The following OCA2 variants were observed in gnomAD, a reference collection of about 807,000 sequenced individuals.
The protein encoded by OCA2 is P protein.
A neutral mutation model predicts 100.2 loss-of-function variants in OCA2; 77 were observed. The observed-to-expected ratio is 0.77, with a 90% CI of 0.64 to 0.93. The LOEUF (loss-of-function observed/expected upper bound fraction) is 0.93, where lower values mean the gene tolerates loss of function less well. OCA2 is among the 40% of genes least tolerant of loss of function. The pLI is 0.00. For synonymous variants in OCA2, 432 were observed against 439.2 expected (o/e 0.98, Z 0.21); for missense variants, 1,062 against 1,089.1 (o/e 0.98, Z 0.35).
At chr15:27,868,925 G>A (rs1338878380) in intron 21 of OCA2, among the ~76,000 whole-genome samples, 1 of 152,222 alleles carries the variant, frequency 6.6e-6, no homozygotes, top group African/African-American at 2.4e-5. Flanking sequence ...AAGGAAAAGA[G>A]GGGAGAAGGG....
chr15:27,994,679 C>T (rs2041666373), intron 9 of OCA2, among the ~76,000 whole-genome samples: 1 of 152,200 alleles, frequency 6.6e-6, no homozygotes, highest in Non-Finnish European at 1.5e-5. Context: ...GCAAGCAATA[C>T]ATGCTGAGCA....
At chr15:27,931,817 C>T (rs751547453) in intron 18 of OCA2, among the ~76,000 whole-genome samples, 4 of 152,220 alleles carry the variant, frequency 2.6e-5, no homozygotes, top group Non-Finnish European at 4.4e-5. Context: ...TTGTCTCCTA[C>T]GGTTCCTCCT....
chr15:27,904,871 C>T (rs1434586736), intron 19 of OCA2, among the ~76,000 whole-genome samples: 4 of 152,128 alleles, frequency 2.6e-5, no homozygotes, highest in Non-Finnish European at 4.4e-5. Context: ...TTTTAGAAAT[C>T]GGCAACACGG....
chr15:27,946,755 CTA>C (rs2039852667), intron 18 of OCA2, among the ~76,000 whole-genome samples: 1 of 152,240 alleles, frequency 6.6e-6, no homozygotes, highest in Non-Finnish European at 1.5e-5. Context: ...GCCAAAGACA[CTA>C]GAATCTTTCC....
chr15:28,034,191 CTG>C (rs2042985634), intron 2 of OCA2, among the ~76,000 whole-genome samples: 1 of 152,036 alleles, frequency 6.6e-6, no homozygotes, highest in Non-Finnish European at 1.5e-5. Context: ...ACTTGGAAGA[CTG>C]AGGTGGGAGA....
intron 9 of OCA2, among the ~76,000 whole-genome samples, chr15:27,996,568 T>G (rs868788699): frequency 6.8e-6 from 1 of 147,532 alleles, no homozygotes; most frequent in South Asian, 2.1e-4. Flanking sequence ...TAAACAAAAT[T>G]GATGGAACTT....
chr15:27,992,602 G>T (rs1169095863), intron 9 of OCA2, among the ~76,000 whole-genome samples: 1 of 152,166 alleles, frequency 6.6e-6, no homozygotes, highest in Non-Finnish European at 1.5e-5. Flanking sequence ...TCCCACTTTG[G>T]TATGTCTCTT....
At position 28,076,853 on chromosome 15, in the gene OCA2, CAAAAAAAAAAA is replaced by C. The variant is rs575299612; in HGVS notation, c.227+4784_227+4794del. Among the ~76,000 whole-genome samples the C allele has an allele frequency of 6.6e-5, 4 of 60,750 alleles. No individual in the cohort carries two copies. The Admixed American group carries it at 6.8e-4, about 10-fold the overall frequency. 39.9% of individuals were successfully genotyped at this position (60,750 alleles called of 152,430 possible). ...TGGGCGACAGAGCGAGACTCCGTCT[CAAAAAAAAAAA>C]AAAAAAAAAAATAGATAATTTAAGT... On this transcript the variant is annotated intron_variant, in intron 2 of 23. Transcript: ENST00000354638.
chr15:28,014,730 C>T (rs536620895), intron 9 of OCA2, 46 bp downstream of exon 9: 2 of 1,601,490 alleles, frequency 1.2e-6, no homozygotes, highest in African/African-American at 1.3e-5. Context: ...TCAAGCCTCC[C>T]TGACTGTGGG....
chr15:27,987,973 C>CTGA (rs763108726), intron 11 of OCA2, among the ~76,000 whole-genome samples: 3 of 152,114 alleles, frequency 2.0e-5, no homozygotes, highest in Non-Finnish European at 4.4e-5. Flanking sequence ...CCAGAGTGAC[C>CTGA]ATCAATGTTC....
chr15:27,916,232 A>G (rs951509408), intron 19 of OCA2, among the ~76,000 whole-genome samples: 5 of 152,152 alleles, frequency 3.3e-5, no homozygotes, highest in Admixed American at 2.0e-4. Flanking sequence ...TCAAAAAACT[A>G]TGTATCAGGT....
Position 28,032,177 on chromosome 15 carries a change from G to A in OCA2, c.228-14C>T. The A allele has an allele frequency of 6.3e-7, 1 of 1,577,130 alleles. No individual in the cohort carries two copies. Among genetic ancestry groups the A allele is most frequent in the Non-Finnish European group, 8.7e-7 (1 of 1,146,376 alleles). The stretch of plus-strand genomic sequence containing the variant: ...GAAGAGTGAGACCTGAAAGAGACAG[G>A]GTAGGAAACAGAATCACCAACACAG... On this transcript the variant is annotated splice_polypyrimidine_tract_variant and intron_variant, in intron 2 of 23. Coordinates refer to ENST00000354638, the MANE Select transcript of OCA2 (RefSeq NM_000275.3).
intron 23 of OCA2, among the ~76,000 whole-genome samples, chr15:27,799,762 T>G (rs1276907309): frequency 6.7e-6 from 1 of 150,270 alleles, no homozygotes; most frequent in Non-Finnish European, 1.5e-5. Flanking sequence ...AAAAAAAAAC[T>G]TTAGCAAAAA....
rs2042473197 is a variant in OCA2 at position 28,018,451 on chromosome 15, C to T, written c.753G>A (p.Val251=). The change falls in exon 7 of 24, where the codon GTG becomes GTA. Residue 251 remains valine (V), a synonymous_variant. Coordinates refer to ENST00000354638, the MANE Select transcript of OCA2 (RefSeq NM_000275.3). ...AAGCGTCAGCCTGGGTCAGCTCCACCACGATGTGCTCTTCCCTCCCAGGAC... is the reference window on the plus strand; with the variant it reads ...AAGCGTCAGCCTGGGTCAGCTCCACTACGATGTGCTCTTCCCTCCCAGGAC... ...PSRPGREEHI[V]VELTQADALG... The T allele has an allele frequency of 2.5e-6, 4 of 1,614,112 alleles. No individual in the cohort carries two copies. Among genetic ancestry groups the T allele is most frequent in the Non-Finnish European group, 3.4e-6 (4 of 1,180,024 alleles).
chr15:27,857,366 G>A (rs1012879041), intron 21 of OCA2, among the ~76,000 whole-genome samples: 1 of 152,164 alleles, frequency 6.6e-6, no homozygotes, highest in Non-Finnish European at 1.5e-5. Flanking sequence ...AAATTCATAA[G>A]AGACAGAAAG....
intron 22 of OCA2, among the ~76,000 whole-genome samples, chr15:27,846,459 C>T (rs1449755575): frequency 6.6e-6 from 1 of 152,170 alleles, no homozygotes; most frequent in East Asian, 1.9e-4. Context: ...TGGAGCCCAA[C>T]CCATGGTCCA....
chr15:27,740,229 T>A, the OCA2 span, among the ~76,000 whole-genome samples: 1 of 152,222 alleles, frequency 6.6e-6, no homozygotes, highest in Admixed American at 6.5e-5. Flanking sequence ...TTCTGAGATC[T>A]GTGACCAGCC....
At chr15:28,021,498 C>T (rs2042592255) in intron 6 of OCA2, among the ~76,000 whole-genome samples, 1 of 152,232 alleles carries the variant, frequency 6.6e-6, no homozygotes, top group African/African-American at 2.4e-5. Flanking sequence ...CGGGATTCAG[C>T]CAGAAAATGT....
intron 19 of OCA2, among the ~76,000 whole-genome samples, chr15:27,894,009 C>A (rs1251700517): frequency 6.6e-6 from 1 of 152,100 alleles, no homozygotes; most frequent in Non-Finnish European, 1.5e-5. Flanking sequence ...CTTTTGAAAC[C>A]CTTAATAAAA....
Sources: gnomAD v4.1 joint callset for allele counts (sites outside exome capture counted in the v4.1 genomes callset) on GRCh38, gnomAD v4.1.1 for gene constraint, MANE v1.5 for transcripts, NCBI Gene and HGNC (gene_info 2026-07-23, HGNC 2026-07-21) for gene names.